Variants in PRDM16 observed in about 807,000 individuals in gnomAD.
PRDM16 encodes histone-lysine N-methyltransferase PRDM16.
In PRDM16, 23 loss-of-function variants were observed where a neutral mutation model predicts 110.6. The observed-to-expected ratio is 0.21, with a 90% CI of 0.15 to 0.29. The LOEUF is 0.29. Ranked by LOEUF, PRDM16 falls within the 10% of genes least tolerant of loss-of-function variation. PRDM16 has a pLI of 1.00. For synonymous variants in PRDM16, 799 were observed against 781.8 expected, an observed-to-expected ratio of 1.02 and a Z score of -0.37; for missense variants, 1,615 against 1,794.3, an observed-to-expected ratio of 0.90 and a Z score of 1.81.
At chr1:3,154,258 G>A (rs764514509) in intron 1 of PRDM16, among the ~76,000 whole-genome samples, 3 of 152,188 alleles carry the variant, frequency 2.0e-5, no homozygotes, top group South Asian at 4.2e-4. Flanking sequence ...CTGTCACCAC[G>A]GGCTGGCGCA....
chr1:3,251,552 G>A (rs909262087), intron 3 of PRDM16, among the ~76,000 whole-genome samples: 2 of 152,100 alleles, frequency 1.3e-5, no homozygotes, highest in African/African-American at 4.8e-5. Flanking sequence ...CACCTGCAGG[G>A]GTCAGGGTGC....
intron 2 of PRDM16, among the ~76,000 whole-genome samples, chr1:3,241,211 A>C (rs1453628843): frequency 6.6e-6 from 1 of 152,262 alleles, no homozygotes; most frequent in Non-Finnish European, 1.5e-5. Context: ...CTCAGGCCCC[A>C]GCGCCCTGCC....
At chr1:3,336,046 C>T (rs1241341968) in intron 3 of PRDM16, among the ~76,000 whole-genome samples, 1 of 152,220 alleles carries the variant, frequency 6.6e-6, no homozygotes, top group Non-Finnish European at 1.5e-5. Context: ...CAGAGTATCG[C>T]TGACGCTGAT....
At chr1:3,409,136 TGTGTGA>T (rs1365972044) in intron 8 of PRDM16, among the ~76,000 whole-genome samples, 1 of 147,622 alleles carries the variant, frequency 6.8e-6, no homozygotes, top group Non-Finnish European at 1.5e-5. Flanking sequence ...TGCATGTGAG[TGTGTGA>T]GTGTGGGTGT....
rs539494528 is a variant in PRDM16, at chr1:3,434,742, G to C, written c.*931G>C. ...GGGGAAGTCGAGGGCCTGTGGCTTG[G>C]ATCCGCCATGCAGAGATGTGGCCGG... On this transcript the variant is annotated 3_prime_UTR_variant, in exon 17 of 17. Transcript: ENST00000270722. 91 of 232,574 alleles carry C rather than the reference G, an allele frequency of 3.9e-4. No individual in the cohort carries two copies. Among genetic ancestry groups the C allele is most frequent in the African/African-American group, 1.9e-3 (87 of 45,412 alleles). The allele number at this position is 232,574 out of a possible 1,614,324, so 14.4% of individuals were successfully genotyped here.
rs1401616374 is a variant in PRDM16, at chr1:3,409,994, TG to T, written c.1187-1384del. ...GGTTGTGTGTTTGCATGGGGGGGTGTGGGGGGTGTGCATGTGTGTGTGCTGT... is the reference window on the plus strand; with the variant it reads ...GGTTGTGTGTTTGCATGGGGGGGTGTGGGGGTGTGCATGTGTGTGTGCTGT... On this transcript the variant is annotated intron_variant, in intron 8 of 16. Coordinates refer to ENST00000270722, the MANE Select transcript of PRDM16 (RefSeq NM_022114.4). 5.0e-5 allele frequency among the ~76,000 whole-genome samples: 4 copies of T among 79,858 alleles called. No homozygotes were observed. In the Admixed American group the frequency reaches 5.8e-4, roughly 12 times the overall value. The allele number at this position is 79,858 out of a possible 152,430, so 52.4% of individuals were successfully genotyped here.
intron 1 of PRDM16, among the ~76,000 whole-genome samples, chr1:3,141,363 C>T (rs939280252): frequency 6.6e-6 from 1 of 152,170 alleles, no homozygotes; most frequent in African/African-American, 2.4e-5. Flanking sequence ...AATTTGCAAA[C>T]CTAATGGGGA....
chr1:3,224,552 C>T (rs1053499260), intron 2 of PRDM16, among the ~76,000 whole-genome samples: 11 of 152,202 alleles, frequency 7.2e-5, no homozygotes, highest in Non-Finnish European at 1.0e-4. Context: ...CACACGCGCT[C>T]GGGGCTTCGG....
intron 3 of PRDM16, among the ~76,000 whole-genome samples, chr1:3,378,105 C>G (rs1643026981): frequency 6.6e-6 from 1 of 152,234 alleles, no homozygotes; most frequent in Admixed American, 6.5e-5. Flanking sequence ...TGGCACAGAT[C>G]CTTGGCGCTG....
Position 3,245,592 on chromosome 1 carries a change from T to G in PRDM16, c.438+1455T>G, listed in dbSNP as rs933803293. ...GGGGTCCTTTTGTCCAAGGACAAGG[T>G]GTCGGCTCTCAGTCCCCGCCGTCCA... On this transcript the variant is annotated intron_variant, in intron 3 of 16. Coordinates refer to ENST00000270722, the MANE Select transcript of PRDM16 (RefSeq NM_022114.4). This position sits in a 1 kb window ranked among gnomAD's most constrained non-coding sequence, Gnocchi z 4.7. Among the ~76,000 whole-genome samples, 1 of 152,142 alleles carries G rather than the reference T, an allele frequency of 6.6e-6. No individual in the cohort carries two copies. Among genetic ancestry groups the G allele is most frequent in the Non-Finnish European group, 1.5e-5 (1 of 68,028 alleles).
chr1:3,171,547 C>T (rs915882065), intron 1 of PRDM16, among the ~76,000 whole-genome samples: 11 of 152,152 alleles, frequency 7.2e-5, no homozygotes, highest in Non-Finnish European at 5.9e-5. Context: ...CCTCTGCCCT[C>T]GGTATCCCAC....
chr1:3,245,655 G>A lies in PRDM16; in HGVS notation c.438+1518G>A, dbSNP rs1285508519. Among the ~76,000 whole-genome samples the A allele has an allele frequency of 6.6e-6, 1 of 152,146 alleles. No homozygotes were observed. The highest frequency in any genetic ancestry group is 1.5e-5 in the Non-Finnish European group (1 of 68,026). On this transcript the variant is annotated intron_variant, in intron 3 of 16. Coordinates refer to ENST00000270722, the MANE Select transcript of PRDM16 (RefSeq NM_022114.4). The surrounding 1 kb of genome is among the most constrained non-coding windows in gnomAD (Gnocchi z 4.7). ...GGTCTTCCTGCACCCACGTTTGACT[G>A]GAGCAAATGGAGCAAATTCCAGGGC...
At chr1:3,369,891 A>G (rs1193539457) in intron 3 of PRDM16, among the ~76,000 whole-genome samples, 1 of 152,186 alleles carries the variant, frequency 6.6e-6, no homozygotes, top group Admixed American at 6.5e-5. Context: ...TTGGCAAGGT[A>G]TTTGCTTAGA....
chr1:3,327,178 G>T (rs1177771421), intron 3 of PRDM16, among the ~76,000 whole-genome samples: 1 of 152,248 alleles, frequency 6.6e-6, no homozygotes, highest in Non-Finnish European at 1.5e-5. Flanking sequence ...ACTTGGCAGG[G>T]CACCCCCTCA....
rs1374895567 is a variant in PRDM16 at position 3,225,571 on chromosome 1, T to TGC, written c.388-18515_388-18514insCG. 5.4e-3 allele frequency among the ~76,000 whole-genome samples: 581 copies of TGC among 107,634 alleles called. 2 individuals carry two copies. The highest frequency in any genetic ancestry group is 6.3e-3 in the Non-Finnish European group (316 of 50,220). 70.6% of individuals were successfully genotyped at this position (107,634 alleles called of 152,430 possible). A position where few individuals can be genotyped will look rare whatever the true frequency, so the allele number is the denominator to read the frequency against. On this transcript the variant is annotated intron_variant, in intron 2 of 16. Transcript: ENST00000270722. ...GTGTGTGTGTGTGTGTGTGTGTGTG[T>TGC]GTGCGCGCGCGCAGAAGGAAGGAAA...
chr1:3,254,611 A>C (rs1312461296), intron 3 of PRDM16, among the ~76,000 whole-genome samples: 1 of 152,220 alleles, frequency 6.6e-6, no homozygotes, highest in Non-Finnish European at 1.5e-5. Context: ...GACATGAAGG[A>C]CCTCTTCAAG....
At chr1:3,289,887 G>A (rs1008068444) in intron 3 of PRDM16, among the ~76,000 whole-genome samples, 3 of 145,014 alleles carry the variant, frequency 2.1e-5, no homozygotes, top group South Asian at 2.3e-4. Context: ...ACTCCTGCCC[G>A]GTCACCAGAC....
intron 1 of PRDM16, among the ~76,000 whole-genome samples, chr1:3,130,645 G>A (rs777990811): frequency 6.6e-6 from 1 of 152,082 alleles, no homozygotes; most frequent in Non-Finnish European, 1.5e-5. Context: ...TCTGTAACTC[G>A]CCGCCTTCTC....
intron 1 of PRDM16, among the ~76,000 whole-genome samples, chr1:3,114,153 GCACACACACACGCACA>G (rs1359107884): frequency 7.0e-6 from 1 of 142,524 alleles, no homozygotes; most frequent in East Asian, 2.1e-4. Flanking sequence ...CTGCACACAC[GCACACACACACGCACA>G]CACACGCACA....
Sources: gnomAD v4.1 joint callset for allele counts (sites outside exome capture counted in the v4.1 genomes callset) on GRCh38, gnomAD v4.1.1 for gene constraint, Gnocchi (gnomAD v3.1) non-coding constraint, MANE v1.5 for transcripts, NCBI Gene and HGNC (gene_info 2026-07-23, HGNC 2026-07-21) for gene names.